CREB3L2: variants seen among roughly 807,000 people sequenced by gnomAD.
CREB3L2 encodes cAMP responsive element binding protein 3 like 2.
Under a neutral mutation model 57.2 loss-of-function variants are expected in CREB3L2, and 23 were observed. The ratio of observed to expected loss-of-function variants is 0.40; its 90% CI spans 0.29 to 0.57. The LOEUF is 0.57. Ranked by LOEUF, CREB3L2 falls within the 20% of genes least tolerant of loss-of-function variation. CREB3L2 has a pLI of 0.42. For missense variants in CREB3L2, 628 were observed against 634.7 expected (o/e 0.99, Z 0.11); for synonymous variants, 268 against 265.1 (o/e 1.01, Z -0.11).
intron 8 of CREB3L2, among the ~76,000 whole-genome samples, chr7:137,888,155 A>G (rs1799465367): frequency 6.6e-6 from 1 of 152,058 alleles, no homozygotes; most frequent in Admixed American, 6.6e-5. Context: ...TAGAGACAGC[A>G]TCTCTCACTT....
intron 8 of CREB3L2, among the ~76,000 whole-genome samples, chr7:137,894,127 G>C (rs908932797): frequency 3.3e-5 from 5 of 152,192 alleles, no homozygotes; most frequent in African/African-American, 1.2e-4. Context: ...CACCTCTCAA[G>C]GTTGTTATGA....
chr7:137,884,656 T>C (rs1425218184), intron 10 of CREB3L2: 11 of 576,180 alleles, frequency 1.9e-5, no homozygotes, highest in Non-Finnish European at 1.9e-5. Context: ...GCAGTTCTCT[T>C]AAAACGTCAC....
intron 1 of CREB3L2, among the ~76,000 whole-genome samples, chr7:137,965,712 G>A (rs976120990): frequency 5.3e-5 from 8 of 152,140 alleles, no homozygotes; most frequent in African/African-American, 9.7e-5. Context: ...TCTCTTCTAC[G>A]GTAAAGAGAG....
intron 1 of CREB3L2, among the ~76,000 whole-genome samples, chr7:137,946,915 TATATATA>T (rs1801002862): frequency 2.2e-5 from 1 of 45,266 alleles, no homozygotes; most frequent in African/African-American, 1.2e-4. Context: ...TATATAGTTA[TATATATA>T]GTTATATATA....
At chr7:137,901,597 T>C (rs1160637182) in intron 7 of CREB3L2, among the ~76,000 whole-genome samples, 175 bp from the exon 8 acceptor site, 1 of 147,278 alleles carries the variant, frequency 6.8e-6, no homozygotes, top group African/African-American at 2.5e-5. Flanking sequence ...AAAAAAAAAA[T>C]AGGCCGGGCA....
chr7:137,887,725 T>C (rs1306717453), intron 8 of CREB3L2, among the ~76,000 whole-genome samples: 4 of 151,784 alleles, frequency 2.6e-5, no homozygotes, highest in African/African-American at 9.7e-5. Context: ...AAAAAAAAAA[T>C]TTCTATGCGT....
chr7:137,882,991 T>C (rs981892784), intron 10 of CREB3L2, among the ~76,000 whole-genome samples: 1 of 152,136 alleles, frequency 6.6e-6, no homozygotes, highest in African/African-American at 2.4e-5. Flanking sequence ...CAGACCCAGC[T>C]AAAAGAAGCA....
rs528430454 is a variant in CREB3L2 at position 137,995,818 on chromosome 7, A to G, written c.102+5786T>C. Among the ~76,000 whole-genome samples, 60 of 152,330 alleles carry G rather than the reference A, an allele frequency of 3.9e-4. No individual in the cohort carries two copies. In the South Asian group the frequency reaches 5.0e-3, roughly 13 times the overall value. ...TCAGAGACCCCTGTTTCCCATGAAC[A>G]CTGTAACTCAGGGATCATTCGAGAA... On this transcript the variant is annotated intron_variant, in intron 1 of 11. Transcript: ENST00000330387.
intron 1 of CREB3L2, among the ~76,000 whole-genome samples, chr7:137,945,595 C>G (rs1242539070): frequency 1.3e-5 from 2 of 152,216 alleles, no homozygotes; most frequent in Non-Finnish European, 2.9e-5. Flanking sequence ...CAATAATACC[C>G]CAAATCACAG....
At chr7:137,983,394 A>G (rs1486009178) in intron 1 of CREB3L2, among the ~76,000 whole-genome samples, 1 of 152,214 alleles carries the variant, frequency 6.6e-6, no homozygotes, top group African/African-American at 2.4e-5. Context: ...ACTTCAGAGG[A>G]AACGCTGGTA....
rs569571724 is a variant in CREB3L2 at position 137,942,569 on chromosome 7, A to G, written c.103-14203T>C. On this transcript the variant is annotated intron_variant, in intron 1 of 11. Coordinates refer to ENST00000330387, the MANE Select transcript of CREB3L2 (RefSeq NM_194071.4). Reference sequence around the variant, plus strand: ...AGTTGAAGAATTTCTAAGAAGGAAAAACAAAACAAAACAAAATAAAACACG... The same window carrying G: ...AGTTGAAGAATTTCTAAGAAGGAAAGACAAAACAAAACAAAATAAAACACG... Among the ~76,000 whole-genome samples the G allele has an allele frequency of 3.3e-5, 5 of 152,272 alleles. No homozygotes were observed. The South Asian group carries it at 1.0e-3, about 32-fold the overall frequency.
chr7:137,998,700 A>C (rs1585686316), intron 1 of CREB3L2, among the ~76,000 whole-genome samples: 1 of 152,258 alleles, frequency 6.6e-6, no homozygotes, highest in African/African-American at 2.4e-5. Flanking sequence ...GTTAAATGGC[A>C]TAATATTTGT....
intron 1 of CREB3L2, among the ~76,000 whole-genome samples, chr7:137,937,408 C>G (rs1004839988): frequency 1.3e-5 from 2 of 152,230 alleles, no homozygotes; most frequent in Admixed American, 6.5e-5. Flanking sequence ...CACCCTCCCT[C>G]CTCCCCTTGC....
chr7:137,897,890 C>T (rs572622973), intron 8 of CREB3L2, among the ~76,000 whole-genome samples: 5 of 151,896 alleles, frequency 3.3e-5, no homozygotes, highest in Middle Eastern at 3.4e-3. Context: ...TTCCTTAAGT[C>T]GAAACGTATG....
At chr7:137,938,472 A>G (rs530824888) in intron 1 of CREB3L2, among the ~76,000 whole-genome samples, 1 of 151,996 alleles carries the variant, frequency 6.6e-6, no homozygotes, top group South Asian at 2.1e-4. Flanking sequence ...CAGTCTCCTG[A>G]GTAGCTGGGA....
At chr7:137,998,201 A>C (rs951845245) in intron 1 of CREB3L2, among the ~76,000 whole-genome samples, 1 of 152,232 alleles carries the variant, frequency 6.6e-6, no homozygotes, top group Admixed American at 6.5e-5. Context: ...AAATGAAAAA[A>C]AACATTGCTC....
intron 1 of CREB3L2, among the ~76,000 whole-genome samples, chr7:137,992,224 C>T (rs969257594): frequency 6.6e-6 from 1 of 152,056 alleles, no homozygotes; most frequent in African/African-American, 2.4e-5. Context: ...TTGAATTGAC[C>T]TTCCACACAG....
chr7:137,976,384 T>C (rs748268830), intron 1 of CREB3L2, among the ~76,000 whole-genome samples: 4 of 152,230 alleles, frequency 2.6e-5, no homozygotes, highest in Admixed American at 6.5e-5. Flanking sequence ...TGGCCACTCG[T>C]TAATTTATCC....
At chr7:137,997,021 G>C (rs73458502) in intron 1 of CREB3L2, among the ~76,000 whole-genome samples, 1,932 of 152,136 alleles carry the variant, frequency 0.013, 62 homozygotes, top group African/African-American at 0.045. Flanking sequence ...GTTTATCATG[G>C]GCAAACCACC....
Sources: allele counts gnomAD v4.1 joint callset (sites outside exome capture counted in the v4.1 genomes callset), GRCh38; gene constraint gnomAD v4.1.1; transcripts MANE v1.5; gene names NCBI Gene and HGNC (gene_info 2026-07-23, HGNC 2026-07-21).